The following GRAMD1C variants were observed in gnomAD, a reference collection of about 807,000 sequenced individuals.
GRAMD1C encodes the protein protein Aster-C.
In GRAMD1C, 89 loss-of-function variants were observed where a neutral mutation model predicts 97.8. That is an observed-to-expected ratio of 0.91 (90% confidence interval 0.77 to 1.09). The LOEUF (loss-of-function observed/expected upper bound fraction) is 1.09. Ranked by LOEUF, GRAMD1C falls within the 50% of genes least tolerant of loss-of-function variation. The pLI, the probability that GRAMD1C is intolerant of heterozygous loss-of-function variation, is 0.00. For missense variants in GRAMD1C, 740 were observed against 766.4 expected (o/e 0.97, Z 0.41); for synonymous variants, 256 against 267.0 (o/e 0.96, Z 0.40).
chr3:113,855,751 A>C (rs1295219758), intron 2 of GRAMD1C, among the ~76,000 whole-genome samples: 2 of 152,152 alleles, frequency 1.3e-5, no homozygotes, highest in East Asian at 3.9e-4. Context: ...AAGTGATTTT[A>C]ATTGCATTAT....
intron 15 of GRAMD1C, chr3:113,938,562 A>T (rs1937628825): frequency 6.5e-6 from 1 of 153,342 alleles, no homozygotes; most frequent in Non-Finnish European, 1.5e-5. Context: ...GGTGCTTGCT[A>T]AAATGCAGAT....
At chr3:113,896,874 A>G (rs1935969451) in intron 6 of GRAMD1C, among the ~76,000 whole-genome samples, 3 of 152,206 alleles carry the variant, frequency 2.0e-5, no homozygotes, top group African/African-American at 7.2e-5. Context: ...TTTAGAAGAA[A>G]AATTTTCTTC....
chr3:113,894,117 G>A (rs1030776790), intron 6 of GRAMD1C, among the ~76,000 whole-genome samples: 6 of 152,084 alleles, frequency 3.9e-5, no homozygotes, highest in Admixed American at 1.3e-4. Context: ...AATAGGGTTC[G>A]TATGTAAGGT....
At chr3:113,875,405 A>G in intron 3 of GRAMD1C, 79 bp from the exon 4 acceptor site, 1 of 704,310 alleles carries the variant, frequency 1.4e-6, no homozygotes, top group East Asian at 2.5e-5. Flanking sequence ...ATGACTTTCC[A>G]TCTGTTGAAA....
At chr3:113,942,051 C>T (rs1477191356) in intron 17 of GRAMD1C, among the ~76,000 whole-genome samples, 1 of 151,290 alleles carries the variant, frequency 6.6e-6, no homozygotes, top group East Asian at 1.9e-4. Flanking sequence ...GTAGCTGGAA[C>T]TTCAGGTGTG....
chr3:113,839,960 A>G (rs1044920542), intron 1 of GRAMD1C, among the ~76,000 whole-genome samples: 1 of 152,016 alleles, frequency 6.6e-6, no homozygotes, highest in Non-Finnish European at 1.5e-5. Flanking sequence ...GATGCCACAC[A>G]CACACCATGA....
chr3:113,844,681 C>A (rs780745325), intron 2 of GRAMD1C, 32 bp downstream of exon 2: 5 of 1,481,696 alleles, frequency 3.4e-6, no homozygotes, highest in African/African-American at 2.8e-5. Context: ...TTATTTTAAT[C>A]TTGAATACAA....
intron 2 of GRAMD1C, among the ~76,000 whole-genome samples, chr3:113,854,620 G>A (rs1334279104): frequency 1.3e-5 from 2 of 152,104 alleles, no homozygotes; most frequent in Admixed American, 6.6e-5. Flanking sequence ...CTTTTGGACT[G>A]TTGTCCTAAT....
intron 1 of GRAMD1C, 101 bp downstream of exon 1, chr3:113,839,037 C>G (rs1709704147): frequency 1.4e-6 from 1 of 726,418 alleles, no homozygotes; most frequent in African/African-American, 1.8e-5. Context: ...GTTAATCCCT[C>G]CCTTCCCTTT....
At chr3:113,854,714 T>G (rs926204132) in intron 2 of GRAMD1C, among the ~76,000 whole-genome samples, 1 of 151,950 alleles carries the variant, frequency 6.6e-6, no homozygotes, top group Non-Finnish European at 1.5e-5. Context: ...CGTATATACT[T>G]CTTTAAAGAT....
Position 113,904,246 on chromosome 3 carries a change from T to G in GRAMD1C, c.763T>G (p.Ser255Ala), listed in dbSNP as rs1482630713. The G allele has an allele frequency of 1.2e-6, 2 of 1,607,256 alleles. No homozygotes were observed. Among genetic ancestry groups the G allele is most frequent in the Non-Finnish European group, 1.7e-6 (2 of 1,173,970 alleles). The change falls in exon 8 of 18, where the codon TCA (serine) becomes GCA (alanine). Residue 255 changes from serine (S) to alanine (A), a missense_variant. Physicochemically the swap from Ser to Ala is moderately conservative, Grantham distance 99 (BLOSUM62 1). Transcript: ENST00000358160. ...ESISRVSETE[S>A]FDGNSSKGGL... Reference sequence around the variant, plus strand: ...AATTAGTCGGGTTTCAGAAACAGAGTCATTCGATGGAAATTCATCAAAAGG... The same window carrying G: ...AATTAGTCGGGTTTCAGAAACAGAGGCATTCGATGGAAATTCATCAAAAGG...
chr3:113,834,196 T>G (rs1048909053), upstream of GRAMD1C, among the ~76,000 whole-genome samples: 11 of 152,046 alleles, frequency 7.2e-5, no homozygotes, highest in African/African-American at 2.7e-4. Context: ...TATTATTATT[T>G]TGAGACAGAG....
rs757382285 is a variant in GRAMD1C, at chr3:113,940,375, G to C, written c.1908+30G>C. The C allele has an allele frequency of 6.4e-6, 7 of 1,101,252 alleles. No individual in the cohort carries two copies. In the South Asian group the frequency reaches 8.8e-5, roughly 14 times the overall value. The allele number at this position is 1,101,252 out of a possible 1,614,324, so 68.2% of individuals were successfully genotyped here. ...GCAACTCGATACATCACAGTACTTA[G>C]TATCTTTGTCCCAGTATGAATTAGT... On this transcript the variant is annotated intron_variant, in intron 17 of 17. Coordinates refer to ENST00000358160, the MANE Select transcript of GRAMD1C (RefSeq NM_017577.5).
At chr3:113,945,043 G>A (rs554590535) in intron 17 of GRAMD1C, among the ~76,000 whole-genome samples, 6 of 152,316 alleles carry the variant, frequency 3.9e-5, no homozygotes, top group Middle Eastern at 6.8e-3. Flanking sequence ...GCATGCAAAG[G>A]CACTGAAGCA....
At chr3:113,880,471 A>T (rs1287851949) in intron 5 of GRAMD1C, among the ~76,000 whole-genome samples, 1 of 151,938 alleles carries the variant, frequency 6.6e-6, no homozygotes, top group Non-Finnish European at 1.5e-5. Flanking sequence ...ACGTGTAGAT[A>T]GACCCACCTC....
rs1198317215 is a variant in GRAMD1C, at chr3:113,930,744, T to C, written c.1121T>C (p.Leu374Pro). The part of the protein sequence containing the change: ...DVVSTPWTAE[L>P]GGDQLRTMTY... ...GTATCTACCCCTTGGACTGCAGAAC[T>C]TGGAGGTGATCAGCTGAGAACGATG... The change falls in exon 11 of 18, where the codon CTT becomes CCT. Residue 374 changes from leucine to proline, a missense_variant. Leu to Pro is a moderately conservative substitution (Grantham distance 98). Coordinates refer to ENST00000358160, the MANE Select transcript of GRAMD1C (RefSeq NM_017577.5). 11 of 1,609,138 alleles carry C rather than the reference T, an allele frequency of 6.8e-6. No homozygotes were observed. Among genetic ancestry groups the C allele is most frequent in the African/African-American group, 4.0e-5 (3 of 74,846 alleles).
intron 9 of GRAMD1C, among the ~76,000 whole-genome samples, chr3:113,913,657 T>G (rs1371355989): frequency 6.6e-6 from 1 of 152,164 alleles, no homozygotes; most frequent in Non-Finnish European, 1.5e-5. Flanking sequence ...TTGGGGAGTT[T>G]TATTTAAAGT....
At chr3:113,883,275 A>G (rs1297557498) in intron 6 of GRAMD1C, among the ~76,000 whole-genome samples, 1 of 152,224 alleles carries the variant, frequency 6.6e-6, no homozygotes, top group African/African-American at 2.4e-5. Context: ...TTGTAATCTT[A>G]GCACTTTGGG....
chr3:113,882,438 A>C (rs1334608669), intron 5 of GRAMD1C, among the ~76,000 whole-genome samples: 1 of 152,148 alleles, frequency 6.6e-6, no homozygotes, highest in Non-Finnish European at 1.5e-5. Flanking sequence ...TTTTTTCATA[A>C]TTTTATTTAG....
Sources: allele counts gnomAD v4.1 joint callset (sites outside exome capture counted in the v4.1 genomes callset), GRCh38; gene constraint gnomAD v4.1.1; transcripts MANE v1.5; gene names NCBI Gene and HGNC (gene_info 2026-07-23, HGNC 2026-07-21).